The following PHACTR1 variants were observed in gnomAD, a reference collection of about 807,000 sequenced individuals.
The protein encoded by PHACTR1 is phosphatase and actin regulator 1.
Under a neutral mutation model 69.2 loss-of-function variants are expected in PHACTR1, and 16 were observed. The observed-to-expected ratio is 0.23, with a 90% CI of 0.16 to 0.35. PHACTR1 has a LOEUF of 0.35. Among genes scored for constraint, PHACTR1 ranks in the 10% least tolerant of loss-of-function variants. PHACTR1 has a pLI of 1.00. For missense variants in PHACTR1, 510 were observed against 734.7 expected (o/e 0.69, Z 3.54); for synonymous variants, 312 against 284.5 (o/e 1.10, Z -0.97).
At chr6:13,141,090 T>C (rs1158662681) in intron 5 of PHACTR1, among the ~76,000 whole-genome samples, 1 of 152,176 alleles carries the variant, frequency 6.6e-6, no homozygotes. Flanking sequence ...TTTATGAGTA[T>C]GCCAGAAAGA....
At chr6:12,718,952 C>A (rs763198538) in intron 3 of PHACTR1, 105 bp downstream of exon 3, 3 of 570,360 alleles carry the variant, frequency 5.3e-6, no homozygotes, top group Non-Finnish European at 8.8e-6. Flanking sequence ...GTTTAATAAC[C>A]GGTATTTCTA....
intron 4 of PHACTR1, among the ~76,000 whole-genome samples, chr6:12,825,928 A>T (rs1776756035): frequency 6.6e-6 from 1 of 152,092 alleles, no homozygotes; most frequent in Non-Finnish European, 1.5e-5. Flanking sequence ...AAAAGAAAAG[A>T]AACATTTAGG....
intron 4 of PHACTR1, among the ~76,000 whole-genome samples, chr6:13,017,563 G>A (rs189322182): frequency 6.6e-5 from 10 of 152,136 alleles, no homozygotes; most frequent in Non-Finnish European, 7.4e-5. Flanking sequence ...CTAAGTCATC[G>A]CTGAACTTAT....
At chr6:13,147,375 C>A (rs140363923) in intron 5 of PHACTR1, among the ~76,000 whole-genome samples, 2 of 152,218 alleles carry the variant, frequency 1.3e-5, no homozygotes, top group African/African-American at 4.8e-5. Flanking sequence ...GCAAAGCTAT[C>A]TTCTCTCAGT....
chr6:13,103,605 G>A (rs1466863649), intron 5 of PHACTR1, among the ~76,000 whole-genome samples: 1 of 152,130 alleles, frequency 6.6e-6, no homozygotes. Context: ...GTGTTTCTTT[G>A]TTCTGAACTT....
At position 13,256,299 on chromosome 6, in the gene PHACTR1, C is replaced by A. The variant is rs151123944; in HGVS notation, c.1392-16561C>A. ...TGGCCCATGAAACCATTCTTCCTTC[C>A]TAGGCCTCTGGGCCTGTGATGGGAG... On this transcript the variant is annotated intron_variant, in intron 10 of 14. Coordinates refer to ENST00000332995, the MANE Select transcript of PHACTR1 (RefSeq NM_030948.6). 2.6e-4 allele frequency among the ~76,000 whole-genome samples: 39 copies of A among 152,372 alleles called. No homozygotes were observed. In the Middle Eastern group the frequency reaches 0.01, roughly 40 times the overall value.
At chr6:13,220,850 C>G (rs1481400057) in intron 8 of PHACTR1, among the ~76,000 whole-genome samples, 1 of 152,230 alleles carries the variant, frequency 6.6e-6, no homozygotes, top group African/African-American at 2.4e-5. Context: ...ATTTGATCAA[C>G]TTATCCATCA....
chr6:12,857,140 A>G (rs1160106474), intron 4 of PHACTR1, among the ~76,000 whole-genome samples: 1 of 152,032 alleles, frequency 6.6e-6, no homozygotes, highest in Non-Finnish European at 1.5e-5. Context: ...TCAAATGCTC[A>G]TTTTCTTCAC....
intron 7 of PHACTR1, among the ~76,000 whole-genome samples, chr6:13,195,485 G>A (rs996363825): frequency 7.9e-5 from 12 of 151,896 alleles, no homozygotes; most frequent in East Asian, 3.9e-4. Context: ...GGCCTGGCGC[G>A]GTGGCTCATG....
At chr6:13,086,074 A>C (rs1478240223) in intron 5 of PHACTR1, among the ~76,000 whole-genome samples, 2 of 143,074 alleles carry the variant, frequency 1.4e-5, no homozygotes, top group South Asian at 2.2e-4. Flanking sequence ...TAAAGAAGAT[A>C]CACATTTCTA....
intron 4 of PHACTR1, among the ~76,000 whole-genome samples, chr6:12,757,922 G>A (rs1767535770): frequency 6.6e-6 from 1 of 152,052 alleles, no homozygotes. Flanking sequence ...GACGAGCCTG[G>A]CCAACACGGT....
intron 4 of PHACTR1, among the ~76,000 whole-genome samples, chr6:13,002,839 C>T (rs772028491): frequency 3.3e-5 from 5 of 152,144 alleles, no homozygotes; most frequent in South Asian, 4.1e-4. Flanking sequence ...GGAGTTATGC[C>T]GGTAAGTCAC....
chr6:13,120,357 A>G (rs1399249829), intron 5 of PHACTR1, among the ~76,000 whole-genome samples: 1 of 152,060 alleles, frequency 6.6e-6, no homozygotes, highest in Non-Finnish European at 1.5e-5. Context: ...AAGGGGCCCC[A>G]CTGTGACATC....
intron 4 of PHACTR1, among the ~76,000 whole-genome samples, chr6:13,013,840 C>T (rs1032981176): frequency 4.0e-5 from 6 of 148,872 alleles, no homozygotes; most frequent in Non-Finnish European, 7.5e-5. Context: ...CGAGTGGCAG[C>T]GCGCGGGGGC....
At chr6:13,153,306 G>C (rs1432983777) in intron 5 of PHACTR1, among the ~76,000 whole-genome samples, 1 of 152,196 alleles carries the variant, frequency 6.6e-6, no homozygotes, top group Admixed American at 6.5e-5. Context: ...GGCAAGTTTA[G>C]AGAGCCTTCC....
intron 5 of PHACTR1, among the ~76,000 whole-genome samples, chr6:13,061,211 T>A (rs890902315): frequency 6.6e-6 from 1 of 152,204 alleles, no homozygotes; most frequent in African/African-American, 2.4e-5. Context: ...ACCACCTATA[T>A]ATCCAGGATA....
chr6:13,014,673 G>A (rs1484886583), intron 4 of PHACTR1, among the ~76,000 whole-genome samples: 5 of 152,094 alleles, frequency 3.3e-5, no homozygotes, highest in African/African-American at 4.8e-5. Flanking sequence ...TGTGATTTTT[G>A]GAGTGCCGCT....
intron 4 of PHACTR1, among the ~76,000 whole-genome samples, chr6:12,888,176 C>A (rs1722521379): frequency 6.7e-6 from 1 of 150,190 alleles, no homozygotes; most frequent in African/African-American, 2.4e-5. Flanking sequence ...TAGAATGGGG[C>A]TGGAAGGAAG....
chr6:13,135,102 C>A (rs1425632251), intron 5 of PHACTR1, among the ~76,000 whole-genome samples: 1 of 152,172 alleles, frequency 6.6e-6, no homozygotes, highest in Non-Finnish European at 1.5e-5. Context: ...GCTCTGACTG[C>A]GTTTTATTGG....
Sources: gnomAD v4.1 joint callset for allele counts (sites outside exome capture counted in the v4.1 genomes callset) on GRCh38, gnomAD v4.1.1 for gene constraint, MANE v1.5 for transcripts, NCBI Gene and HGNC (gene_info 2026-07-23, HGNC 2026-07-21) for gene names.